RBMS3: variants seen among roughly 807,000 people sequenced by gnomAD.
RBMS3 encodes RNA-binding motif, single-stranded-interacting protein 3.
A neutral mutation model predicts 66.8 loss-of-function variants in RBMS3; 27 were observed. The ratio of observed to expected loss-of-function variants is 0.40; its 90% CI spans 0.30 to 0.56. The LOEUF (loss-of-function observed/expected upper bound fraction) is 0.56, where lower values mean the gene tolerates loss of function less well. RBMS3 is among the 20% of genes least tolerant of loss of function. RBMS3 has a pLI of 0.40. For missense variants in RBMS3, 513 were observed against 549.5 expected (o/e 0.93, Z 0.66); for synonymous variants, 188 against 183.0 (o/e 1.03, Z -0.22).
chr3:29,719,533 T>C (rs893859590), intron 4 of RBMS3, among the ~76,000 whole-genome samples: 28 of 152,198 alleles, frequency 1.8e-4, no homozygotes, highest in African/African-American at 6.8e-4. Context: ...TTTATATTTA[T>C]AGATCATCAC....
intron 1 of RBMS3, among the ~76,000 whole-genome samples, chr3:29,358,878 A>G (rs1164803635): frequency 1.3e-5 from 2 of 152,132 alleles, no homozygotes; most frequent in Non-Finnish European, 2.9e-5. Context: ...AATGCTTGTG[A>G]TTTTTGCACA....
At chr3:29,947,507 A>T (rs1378657126) in intron 12 of RBMS3, among the ~76,000 whole-genome samples, 2 of 151,536 alleles carry the variant, frequency 1.3e-5, no homozygotes, top group Non-Finnish European at 3.0e-5. Context: ...GGGAAACAAA[A>T]GCATCTCTGA....
intron 1 of RBMS3, among the ~76,000 whole-genome samples, chr3:29,387,827 T>G (rs1042496568): frequency 2.6e-5 from 4 of 152,130 alleles, no homozygotes; most frequent in Admixed American, 6.5e-5. Context: ...AAGTTTTGGA[T>G]CTCATTCAAA....
intron 6 of RBMS3, among the ~76,000 whole-genome samples, chr3:29,786,904 A>G (rs1459931514): frequency 6.6e-6 from 1 of 152,214 alleles, no homozygotes; most frequent in Non-Finnish European, 1.5e-5. Flanking sequence ...GTTAACAGAC[A>G]ACCCACAGAG....
intron 10 of RBMS3, among the ~76,000 whole-genome samples, chr3:29,907,374 C>T (rs2060406082): frequency 6.6e-6 from 1 of 152,028 alleles, no homozygotes; most frequent in South Asian, 2.1e-4. Flanking sequence ...GGCCAAATGG[C>T]TTTGGAATGT....
At chr3:29,622,733 C>G (rs187561059) in intron 4 of RBMS3, among the ~76,000 whole-genome samples, 1 of 152,248 alleles carries the variant, frequency 6.6e-6, no homozygotes, top group African/African-American at 2.4e-5. Context: ...CCAGACTGCC[C>G]CAGTTCACAT....
intron 5 of RBMS3, among the ~76,000 whole-genome samples, chr3:29,743,963 T>C (rs1378046940): frequency 3.4e-5 from 5 of 145,128 alleles, no homozygotes; most frequent in African/African-American, 1.3e-4. Flanking sequence ...TTCTCATTGT[T>C]CAATTCCCAC....
At chr3:29,432,399 G>T (rs2125720188) in intron 1 of RBMS3, among the ~76,000 whole-genome samples, 1 of 152,304 alleles carries the variant, frequency 6.6e-6, no homozygotes, top group African/African-American at 2.4e-5. Context: ...AAAGCACATT[G>T]TCTTATAGAC....
intron 6 of RBMS3, among the ~76,000 whole-genome samples, chr3:29,826,247 G>A (rs2058208803): frequency 6.6e-6 from 1 of 152,112 alleles, no homozygotes; most frequent in South Asian, 2.1e-4. Context: ...TATAAGCTGT[G>A]AGTCTCCTAT....
At chr3:29,710,809 T>G (rs1270438651) in intron 4 of RBMS3, among the ~76,000 whole-genome samples, 2 of 152,230 alleles carry the variant, frequency 1.3e-5, no homozygotes, top group Non-Finnish European at 2.9e-5. Flanking sequence ...TCTTTGCATA[T>G]CTTTTTATTA....
chr3:29,418,904 AG>A (rs2040589035), intron 1 of RBMS3, among the ~76,000 whole-genome samples: 1 of 152,186 alleles, frequency 6.6e-6, no homozygotes, highest in African/African-American at 2.4e-5. Context: ...CACAAGGAAA[AG>A]CAATCAAATT....
At chr3:29,552,181 A>G (rs2046201077) in intron 3 of RBMS3, among the ~76,000 whole-genome samples, 1 of 152,184 alleles carries the variant, frequency 6.6e-6, no homozygotes. Flanking sequence ...ACTCTTGCTG[A>G]AGTTCGTTGG....
chr3:29,643,838 C>A (rs2049817823), intron 4 of RBMS3, among the ~76,000 whole-genome samples: 1 of 152,120 alleles, frequency 6.6e-6, no homozygotes, highest in African/African-American at 2.4e-5. Context: ...TCTGTAATCA[C>A]AATTTTAACA....
At position 29,985,326 on chromosome 3, in the gene RBMS3, G is replaced by C. The variant is rs148940358; in HGVS notation, c.1099-2817G>C. On this transcript the variant is annotated intron_variant, in intron 12 of 14. Coordinates refer to ENST00000383767, the MANE Select transcript of RBMS3 (RefSeq NM_001003793.3). ...TCTTAGCTTGCTGGGCTCCGTAGAG[G>C]TGGCACCCTGGCTTCAGCCCCTTTT... Among the ~76,000 whole-genome samples the C allele has an allele frequency of 4.7e-3, 712 of 152,198 alleles. 9 individuals are homozygous for C. The highest frequency in any genetic ancestry group is 0.016 in the African/African-American group (673 of 41,538).
chr3:29,934,572 A>G (rs922786364), intron 10 of RBMS3, among the ~76,000 whole-genome samples: 1 of 152,148 alleles, frequency 6.6e-6, no homozygotes. Context: ...TATGTTTCTC[A>G]TTTAAGAGGC....
rs550618739 is a variant in RBMS3 at position 29,374,969 on chromosome 3, G to A, written c.76-59774G>A. On this transcript the variant is annotated intron_variant, in intron 1 of 14. Transcript: ENST00000383767. Reference sequence around the variant, plus strand: ...GTTGGTGGCTTGAAATTGGCTTTCCGCTACAGTAACCAAAACAGCATGGTA... The same window carrying A: ...GTTGGTGGCTTGAAATTGGCTTTCCACTACAGTAACCAAAACAGCATGGTA... 5.9e-5 allele frequency among the ~76,000 whole-genome samples: 9 copies of A among 152,130 alleles called. No homozygotes were observed. In the East Asian group the frequency reaches 9.7e-4, roughly 16 times the overall value.
intron 2 of RBMS3, among the ~76,000 whole-genome samples, chr3:29,458,020 C>T (rs190658515): frequency 6.6e-6 from 1 of 152,288 alleles, no homozygotes; most frequent in Admixed American, 6.5e-5. Context: ...CTTTAAGAAG[C>T]TCTTCCTGAC....
At chr3:29,801,783 G>A (rs1042959504) in intron 6 of RBMS3, among the ~76,000 whole-genome samples, 10 of 152,064 alleles carry the variant, frequency 6.6e-5, no homozygotes, top group East Asian at 3.9e-4. Context: ...CAAAGCATAA[G>A]TGGGAAGATT....
At chr3:29,885,882 G>C (rs2059857842) in intron 8 of RBMS3, among the ~76,000 whole-genome samples, 1 of 151,730 alleles carries the variant, frequency 6.6e-6, no homozygotes, top group Non-Finnish European at 1.5e-5. Flanking sequence ...TCTATGCCAA[G>C]GATTGGGGAT....
Sources: allele counts gnomAD v4.1 joint callset (sites outside exome capture counted in the v4.1 genomes callset), GRCh38; gene constraint gnomAD v4.1.1; transcripts MANE v1.5; gene names NCBI Gene and HGNC (gene_info 2026-07-23, HGNC 2026-07-21).